DIAPH3: variants seen among roughly 807,000 people sequenced by gnomAD.
DIAPH3 encodes diaphanous related formin 3.
Under a neutral mutation model 144.3 loss-of-function variants are expected in DIAPH3, and 117 were observed. That is an observed-to-expected ratio of 0.81 (90% CI 0.70 to 0.95). DIAPH3 has a LOEUF of 0.95. Among genes scored for constraint, DIAPH3 ranks in the 40% least tolerant of loss-of-function variants. DIAPH3 has a pLI of 0.00. For synonymous variants in DIAPH3, 519 were observed against 488.9 expected, an observed-to-expected ratio of 1.06 and a Z score of -0.81; for missense variants, 1,421 against 1,412.7, an observed-to-expected ratio of 1.01 and a Z score of -0.09.
chr13:59,876,869 T>A (rs186880069), intron 21 of DIAPH3, among the ~76,000 whole-genome samples: 5 of 152,254 alleles, frequency 3.3e-5, no homozygotes, highest in African/African-American at 1.2e-4. Context: ...CACCCTGTTT[T>A]TCTTACTTTG....
intron 2 of DIAPH3, among the ~76,000 whole-genome samples, chr13:60,125,394 A>ATTTTTTTTTTTTTTTTTTTTTTTTTTTT (rs56267083): frequency 7.2e-5 from 7 of 97,858 alleles, no homozygotes; most frequent in Non-Finnish European, 1.2e-4. Context: ...CACCCAGCTA[A>ATTTTTTTTTTTTTTTTTTTTTTTTTTTT]TTTTTTTTTT....
chr13:59,988,145 C>A (rs1313639790), intron 12 of DIAPH3, among the ~76,000 whole-genome samples: 1 of 151,794 alleles, frequency 6.6e-6, no homozygotes, highest in Non-Finnish European at 1.5e-5. Flanking sequence ...GACTAATGAT[C>A]ATTAACTGTC....
intron 24 of DIAPH3, among the ~76,000 whole-genome samples, chr13:59,825,492 A>T (rs1413536477): frequency 6.6e-6 from 1 of 152,178 alleles, no homozygotes; most frequent in Non-Finnish European, 1.5e-5. Flanking sequence ...TGTACAATAA[A>T]CATATGGGTG....
chr13:59,852,857 C>G (rs578244865), intron 22 of DIAPH3, among the ~76,000 whole-genome samples: 1 of 152,266 alleles, frequency 6.6e-6, no homozygotes, highest in African/African-American at 2.4e-5. Flanking sequence ...TTCACATAGA[C>G]TCATGTTTAC....
chr13:59,902,200 A>G (rs1297889675), intron 20 of DIAPH3, among the ~76,000 whole-genome samples: 1 of 152,186 alleles, frequency 6.6e-6, no homozygotes, highest in African/African-American at 2.4e-5. Flanking sequence ...GTCAAATTGC[A>G]ATCCCCAGTG....
intron 24 of DIAPH3, among the ~76,000 whole-genome samples, chr13:59,829,214 A>G (rs1171777619): frequency 6.6e-6 from 1 of 152,010 alleles, no homozygotes; most frequent in Non-Finnish European, 1.5e-5. Context: ...TTTAAATCCC[A>G]AGACAATCTT....
In DIAPH3 at chr13:59,823,232, G is replaced by T. The variant is rs186629447; in HGVS notation, c.3027+9875C>A. ...CCAAGAAAGAAAAGTAAGCCAATTAGTAAAGGTCTGTTTTTACTGTGAAGA... is the reference window on the plus strand; with the variant it reads ...CCAAGAAAGAAAAGTAAGCCAATTATTAAAGGTCTGTTTTTACTGTGAAGA... On this transcript the variant is annotated intron_variant, in intron 24 of 27. Coordinates refer to ENST00000400324, the MANE Select transcript of DIAPH3 (RefSeq NM_001042517.2). Among the ~76,000 whole-genome samples, 484 of 152,238 alleles carry T rather than the reference G, an allele frequency of 3.2e-3. 3 individuals are homozygous for T. Among genetic ancestry groups the T allele is most frequent in the African/African-American group, 0.01 (427 of 41,554 alleles).
intron 1 of DIAPH3, among the ~76,000 whole-genome samples, chr13:60,150,172 C>T (rs116562539): frequency 1.9e-3 from 287 of 152,206 alleles, no homozygotes; most frequent in African/African-American, 6.3e-3. Flanking sequence ...CAGAAATGCA[C>T]CACCACGCCA....
chr13:59,695,680 A>G lies in DIAPH3; in HGVS notation c.3320-28834T>C, dbSNP rs187031498. 8.8e-4 allele frequency among the ~76,000 whole-genome samples: 134 copies of G among 152,332 alleles called. 2 individuals carry two copies. In the Middle Eastern group the frequency reaches 0.027, roughly 31 times the overall value. Reference sequence around the variant, plus strand: ...ACAACCAAGCTGGATTAATGGTTTTAATACTGAAATGTACACTTTACCCTT... The same window carrying G: ...ACAACCAAGCTGGATTAATGGTTTTGATACTGAAATGTACACTTTACCCTT... On this transcript the variant is annotated intron_variant, in intron 27 of 27. Transcript: ENST00000400324.
intron 20 of DIAPH3, among the ~76,000 whole-genome samples, chr13:59,881,137 G>C (rs1296105941): frequency 3.3e-5 from 5 of 151,802 alleles, no homozygotes; most frequent in African/African-American, 1.2e-4. Context: ...TTATCACAAA[G>C]ACATTTGTCT....
At position 60,114,666 on chromosome 13, in the gene DIAPH3, CACACACAA is replaced by C. The variant is rs1186258909; in HGVS notation, c.214-2488_214-2481del. Among the ~76,000 whole-genome samples, 6 of 151,746 alleles carry C rather than the reference CACACACAA, an allele frequency of 4.0e-5. No individual in the cohort carries two copies. The South Asian group carries it at 1.0e-3, about 26-fold the overall frequency. ...AGACACACACACACACACACACACACACACACAAACACACACACACACCTACCTACCCC... is the reference window on the plus strand; with the variant it reads ...AGACACACACACACACACACACACACACACACACACACACCTACCTACCCC... On this transcript the variant is annotated intron_variant, in intron 2 of 27. Coordinates refer to ENST00000400324, the MANE Select transcript of DIAPH3 (RefSeq NM_001042517.2).
At chr13:59,692,493 C>A (rs1427071851) in intron 27 of DIAPH3, among the ~76,000 whole-genome samples, 1 of 144,676 alleles carries the variant, frequency 6.9e-6, no homozygotes, top group African/African-American at 2.5e-5. Flanking sequence ...TATAATCCAT[C>A]TTCTGGACAC....
chr13:59,863,551 G>C (rs920708202), intron 21 of DIAPH3, among the ~76,000 whole-genome samples: 2 of 152,082 alleles, frequency 1.3e-5, no homozygotes, highest in African/African-American at 4.8e-5. Context: ...TTAACATACT[G>C]ACTACTTATT....
At chr13:59,905,794 A>G (rs945222777) in intron 20 of DIAPH3, among the ~76,000 whole-genome samples, 1 of 152,190 alleles carries the variant, frequency 6.6e-6, no homozygotes, top group Admixed American at 6.5e-5. Context: ...CTGAACCATG[A>G]GCCAAGAAAT....
chr13:59,815,168 A>G (rs1326188535), intron 24 of DIAPH3, among the ~76,000 whole-genome samples: 3 of 152,218 alleles, frequency 2.0e-5, no homozygotes, highest in South Asian at 4.1e-4. Flanking sequence ...AATAATATGC[A>G]AAGTCACTTC....
At chr13:59,713,482 C>T (rs940725232) in intron 27 of DIAPH3, among the ~76,000 whole-genome samples, 2 of 152,092 alleles carry the variant, frequency 1.3e-5, no homozygotes, top group Non-Finnish European at 1.5e-5. Context: ...ATGCAGGCAC[C>T]GTGCAGAGTG....
chr13:59,720,208 T>G (rs342576), intron 27 of DIAPH3, among the ~76,000 whole-genome samples: 107,344 of 151,892 alleles, frequency 0.71, 38,394 homozygotes, highest in Admixed American at 0.78. Flanking sequence ...AGATAAAAAT[T>G]GTACACCTGT....
At chr13:59,763,124 T>G (rs2037687365) in intron 27 of DIAPH3, among the ~76,000 whole-genome samples, 1 of 152,186 alleles carries the variant, frequency 6.6e-6, no homozygotes, top group African/African-American at 2.4e-5. Context: ...TTATGCTTTT[T>G]CAAATATTGT....
chr13:59,785,318 A>C (rs2038977999), intron 25 of DIAPH3, among the ~76,000 whole-genome samples: 1 of 152,186 alleles, frequency 6.6e-6, no homozygotes, highest in African/African-American at 2.4e-5. Context: ...TTAGGAGAAA[A>C]AATTAGAATA....
Sources: allele counts gnomAD v4.1 joint callset (sites outside exome capture counted in the v4.1 genomes callset), GRCh38; gene constraint gnomAD v4.1.1; transcripts MANE v1.5; gene names NCBI Gene and HGNC (gene_info 2026-07-23, HGNC 2026-07-21).